Variants in MOK observed in about 807,000 individuals in gnomAD.
MOK encodes MAPK/MAK/MRK overlapping kinase.
In MOK, 59 loss-of-function variants were observed where a neutral mutation model predicts 54.2. That is an observed-to-expected ratio of 1.09 (90% CI 0.88 to 1.35). The LOEUF is 1.35. MOK is among the 40% of genes most tolerant of loss of function. The pLI is 0.00. For missense variants in MOK, 517 were observed against 526.2 expected (o/e 0.98, Z 0.17); for synonymous variants, 210 against 202.7 (o/e 1.04, Z -0.31).
At chr14:102,263,248 C>T (rs1393224200) in intron 4 of MOK, among the ~76,000 whole-genome samples, 2 of 152,254 alleles carry the variant, frequency 1.3e-5, no homozygotes, top group Non-Finnish European at 2.9e-5. Context: ...ACACACATGC[C>T]CACGGCGGGG....
chr14:102,296,647 T>A (rs540925658), intron 1 of MOK, among the ~76,000 whole-genome samples: 3 of 152,174 alleles, frequency 2.0e-5, no homozygotes, highest in Non-Finnish European at 4.4e-5. Flanking sequence ...AAACAGAAAG[T>A]GGCCAGGCAC....
chr14:102,270,764 T>A (rs2068287858), intron 2 of MOK, among the ~76,000 whole-genome samples: 1 of 152,190 alleles, frequency 6.6e-6, no homozygotes, highest in Non-Finnish European at 1.5e-5. Context: ...TAGCCCTATT[T>A]TATTCTTATT....
rs1017847310 is a variant in MOK at position 102,229,116 on chromosome 14, C to T, written c.*173G>A. The T allele has an allele frequency of 8.0e-6, 5 of 624,712 alleles. No homozygotes were observed. The Admixed American group carries it at 1.3e-4, about 17-fold the overall frequency. The allele number at this position is 624,712 out of a possible 1,614,324, so 38.7% of individuals were successfully genotyped here. A position where few individuals can be genotyped will look rare whatever the true frequency, so the allele number is the denominator to read the frequency against. ...TATTAGCCCAGAACATCCTAGGCAGCTGCGCGGGCCGCGGGTGCGGCAGGG... is the reference window on the plus strand; with the variant it reads ...TATTAGCCCAGAACATCCTAGGCAGTTGCGCGGGCCGCGGGTGCGGCAGGG... On this transcript the variant is annotated 3_prime_UTR_variant, in exon 12 of 12. Transcript: ENST00000361847.
At chr14:102,277,617 CAA>C (rs560243565) in intron 2 of MOK, among the ~76,000 whole-genome samples, 19 of 95,474 alleles carry the variant, frequency 2.0e-4, no homozygotes, top group Admixed American at 2.3e-4. Context: ...GACTCCGTCT[CAA>C]AAAAAAAAAA....
At chr14:102,303,737 C>T (rs1339316683) in intron 1 of MOK, among the ~76,000 whole-genome samples, 1 of 152,180 alleles carries the variant, frequency 6.6e-6, no homozygotes, top group Non-Finnish European at 1.5e-5. Context: ...TAGTCTACAA[C>T]TAACTCTTGA....
chr14:102,248,078 A>G (rs1196388363), intron 7 of MOK, among the ~76,000 whole-genome samples: 1 of 152,106 alleles, frequency 6.6e-6, no homozygotes, highest in Non-Finnish European at 1.5e-5. Context: ...CTTCCCCCAT[A>G]ACCATCACCC....
Position 102,249,649 on chromosome 14 carries a change from C to T in MOK, c.590+1163G>A, listed in dbSNP as rs1170797140. Among the ~76,000 whole-genome samples, 1 of 152,170 alleles carries T rather than the reference C, an allele frequency of 6.6e-6. No individual in the cohort carries two copies. The highest frequency in any genetic ancestry group is 2.4e-5 in the African/African-American group (1 of 41,438). The stretch of plus-strand genomic sequence containing the variant: ...GCTAGAACCCGGGAGGCGGAGGCTG[C>T]GGTGAGCCAAGATCGCACCATTGCA... On this transcript the variant is annotated intron_variant, in intron 7 of 11. Coordinates refer to ENST00000361847, the MANE Select transcript of MOK (RefSeq NM_014226.3). This position sits in a 1 kb window ranked among gnomAD's most constrained non-coding sequence, Gnocchi z 5.3.
rs2068275195 is a variant in MOK, at chr14:102,270,611, T to A, written c.123-4699A>T. ...AAGACTCCATCTCAAAAAAAAAAAA[T>A]TAAATAATAATAATGAGAGTATTAC... On this transcript the variant is annotated intron_variant, in intron 2 of 11. Coordinates refer to ENST00000361847, the MANE Select transcript of MOK (RefSeq NM_014226.3). Among the ~76,000 whole-genome samples, 3 of 150,656 alleles carry A rather than the reference T, an allele frequency of 2.0e-5. No individual in the cohort carries two copies. The South Asian group carries it at 6.3e-4, about 32-fold the overall frequency.
Position 102,232,827 on chromosome 14 carries a change from C to G in MOK, c.693-119G>C. The G allele has an allele frequency of 1.2e-6, 1 of 825,130 alleles. No homozygotes were observed. 51.1% of individuals were successfully genotyped at this position (825,130 alleles called of 1,614,324 possible). On this transcript the variant is annotated intron_variant, in intron 8 of 11. Coordinates refer to ENST00000361847, the MANE Select transcript of MOK (RefSeq NM_014226.3). The surrounding 1 kb of genome is among the most constrained non-coding windows in gnomAD (Gnocchi z 5.1). ...ATGGTTTATGACTGCAGAGTCTACA[C>G]CTGTCCCAGCCCACAGAACGTGCAC... is the stretch of plus-strand genomic sequence containing the variant.
chr14:102,289,882 T>C lies in MOK; in HGVS notation c.8-6290A>G, dbSNP rs563543626. ...AGGTGTAAGGAGATTTACTGGTCCT[T>C]ACAATTGAAACTAAAACAATTCTCT... On this transcript the variant is annotated intron_variant, in intron 1 of 11. Transcript: ENST00000361847. Among the ~76,000 whole-genome samples, 3 of 152,340 alleles carry C rather than the reference T, an allele frequency of 2.0e-5. No individual in the cohort carries two copies. The South Asian group carries it at 6.2e-4, about 32-fold the overall frequency.
intron 4 of MOK, among the ~76,000 whole-genome samples, chr14:102,261,184 G>C (rs1443101051): frequency 6.7e-6 from 1 of 149,704 alleles, no homozygotes; most frequent in East Asian, 2.0e-4. Context: ...TTGCACCTGG[G>C]AGGCAGAGGT....
intron 2 of MOK, among the ~76,000 whole-genome samples, chr14:102,279,157 A>G (rs990906358): frequency 6.6e-6 from 1 of 152,212 alleles, no homozygotes; most frequent in Non-Finnish European, 1.5e-5. Context: ...ACTTGTGCCA[A>G]TGTCACTGCC....
intron 1 of MOK, among the ~76,000 whole-genome samples, chr14:102,304,243 C>T (rs1001046035): frequency 6.6e-6 from 1 of 152,154 alleles, no homozygotes; most frequent in African/African-American, 2.4e-5. Context: ...CTCTGGTTCA[C>T]AACCATAAAC....
chr14:102,294,271 C>G (rs1042577772), intron 1 of MOK, among the ~76,000 whole-genome samples: 1 of 151,988 alleles, frequency 6.6e-6, no homozygotes, highest in Non-Finnish European at 1.5e-5. Context: ...ATGGTGAAAC[C>G]CCGTCTCTAC....
the MOK span, among the ~76,000 whole-genome samples, chr14:102,215,549 G>A: frequency 1.7e-3 from 266 of 152,168 alleles, no homozygotes; most frequent in Non-Finnish European, 3.0e-3. Context: ...GGTTTGTTGC[G>A]CCCATCAACC....
At chr14:102,275,668 T>G (rs534740026) in intron 2 of MOK, among the ~76,000 whole-genome samples, 1 of 150,192 alleles carries the variant, frequency 6.7e-6, no homozygotes, top group Non-Finnish European at 1.5e-5. Context: ...AACCTAGAAG[T>G]AGACAAAAAT....
At chr14:102,279,980 T>C (rs1031679016) in intron 2 of MOK, among the ~76,000 whole-genome samples, 4 of 151,896 alleles carry the variant, frequency 2.6e-5, no homozygotes, top group African/African-American at 9.7e-5. Context: ...AGTGACTCAG[T>C]ATGACTTTCT....
At chr14:102,233,532 G>A in intron 8 of MOK, 156 bp downstream of exon 8, 1 of 615,908 alleles carries the variant, frequency 1.6e-6, no homozygotes, top group Non-Finnish European at 2.9e-6. Flanking sequence ...CTCTGTCTGA[G>A]CAGCCACTCA....
At chr14:102,250,169 C>G (rs1226421596) in intron 7 of MOK, among the ~76,000 whole-genome samples, 1 of 152,190 alleles carries the variant, frequency 6.6e-6, no homozygotes, top group Non-Finnish European at 1.5e-5. Context: ...CAGGCGGGAC[C>G]AGACTTTGAC....
Sources: gnomAD v4.1 joint callset for allele counts (sites outside exome capture counted in the v4.1 genomes callset) on GRCh38, gnomAD v4.1.1 for gene constraint, Gnocchi (gnomAD v3.1) non-coding constraint, MANE v1.5 for transcripts, NCBI Gene and HGNC (gene_info 2026-07-23, HGNC 2026-07-21) for gene names.